IRF8: variants seen among roughly 807,000 people sequenced by gnomAD.
The protein encoded by IRF8 is interferon consensus sequence binding protein 1.
Under a neutral mutation model 48.7 loss-of-function variants are expected in IRF8, and 14 were observed. That is an observed-to-expected ratio of 0.29 (90% CI 0.19 to 0.45). The LOEUF is 0.45. Among genes scored for constraint, IRF8 ranks in the 20% least tolerant of loss-of-function variants. IRF8 has a pLI of 1.00. For missense variants in IRF8, 493 were observed against 580.7 expected, an observed-to-expected ratio of 0.85 and a Z score of 1.55; for synonymous variants, 278 against 227.3, an observed-to-expected ratio of 1.22 and a Z score of -2.01.
rs372510203 is a variant in IRF8 at position 85,918,679 on chromosome 16, C to T, written c.864C>T (p.Phe288=). 5.4e-4 allele frequency: 866 copies of T among 1,611,516 alleles called. 4 individuals are homozygous for T. The South Asian group carries it at 6.5e-3, about 12-fold the overall frequency. Residue 288 remains phenylalanine (F), a synonymous_variant, in exon 7 of 9, where the codon TTC becomes TTT. Transcript: ENST00000268638. ...VLLHSSRQGV[F]VKRLCQGRVF... ...TGCACAGCAGCCGGCAGGGCGTGTT[C>T]GTCAAGCGGCTGTGCCAGGGCCGCG...
intron 6 of IRF8, among the ~76,000 whole-genome samples, chr16:85,917,653 G>C (rs1905359489): frequency 1.3e-5 from 2 of 152,204 alleles, no homozygotes; most frequent in African/African-American, 4.8e-5. Flanking sequence ...CCTAAGTTCA[G>C]TGCCATTATT....
intron 2 of IRF8, 93 bp downstream of exon 2, chr16:85,903,282 C>T: frequency 8.1e-7 from 1 of 1,240,766 alleles, no homozygotes. Context: ...TTCTCATTTA[C>T]TTAAAAATTA....
At chr16:85,911,932 C>T (rs1438902097) in intron 4 of IRF8, among the ~76,000 whole-genome samples, 2 of 152,214 alleles carry the variant, frequency 1.3e-5, no homozygotes, top group Admixed American at 6.5e-5. Flanking sequence ...CAGTGAAGTT[C>T]CTTCCAGCTC....
At chr16:85,918,984 C>T (rs936827232) in intron 7 of IRF8, among the ~76,000 whole-genome samples, 181 bp downstream of exon 7, 2 of 152,140 alleles carry the variant, frequency 1.3e-5, no homozygotes, top group African/African-American at 4.8e-5. Context: ...ACTGAGCGAT[C>T]CTGGGGTGCT....
intron 5 of IRF8, among the ~76,000 whole-genome samples, chr16:85,913,661 C>A (rs1318548994): frequency 6.6e-6 from 1 of 152,166 alleles, no homozygotes; most frequent in Non-Finnish European, 1.5e-5. Context: ...CAAAGAGAGC[C>A]CAGGGCATTT....
rs1905071614 is a variant in IRF8, at chr16:85,908,896, G to C, written c.175-94G>C. 5.6e-6 allele frequency: 6 copies of C among 1,073,362 alleles called. No individual in the cohort carries two copies. The Admixed American group carries it at 1.0e-4, about 18-fold the overall frequency. The allele number at this position is 1,073,362 out of a possible 1,614,324, so 66.5% of individuals were successfully genotyped here. ...AGTTGATGGCCAACAAAGATTCATG[G>C]GAAGGGAAGGATGTGTGGGGTCCTG... On this transcript the variant is annotated intron_variant, in intron 2 of 8. Transcript: ENST00000268638.
intron 6 of IRF8, 58 bp downstream of exon 6, chr16:85,914,578 T>A (rs1905242920): frequency 6.2e-7 from 1 of 1,601,044 alleles, no homozygotes; most frequent in African/African-American, 1.3e-5. Flanking sequence ...AAAGCCCAGA[T>A]AACCCAAGCA....
intron 5 of IRF8, chr16:85,914,132 G>A (rs1289892590): frequency 5.3e-6 from 2 of 377,792 alleles, no homozygotes; most frequent in African/African-American, 4.2e-5. Flanking sequence ...CCAGAGATAA[G>A]CCCTGGGTGG....
intron 6 of IRF8, 111 bp from the exon 7 acceptor site, chr16:85,918,306 C>G (rs1227199866): frequency 7.8e-7 from 1 of 1,285,208 alleles, no homozygotes; most frequent in Non-Finnish European, 1.1e-6. Flanking sequence ...CAAAGTGGTT[C>G]AAGACACACA....
At chr16:85,904,219 A>C (rs907959885) in intron 2 of IRF8, among the ~76,000 whole-genome samples, 2 of 151,930 alleles carry the variant, frequency 1.3e-5, no homozygotes, top group African/African-American at 4.8e-5. Flanking sequence ...AGCCATTGCC[A>C]TGTGTGCTTA....
intron 2 of IRF8, among the ~76,000 whole-genome samples, chr16:85,908,377 C>G (rs1248394562): frequency 6.6e-6 from 1 of 151,938 alleles, no homozygotes; most frequent in African/African-American, 2.4e-5. Context: ...TTGGAAAAGT[C>G]AGAAAACAGA....
chr16:85,899,519 C>G (rs1488876498), intron 1 of IRF8, among the ~76,000 whole-genome samples: 4 of 152,172 alleles, frequency 2.6e-5, no homozygotes, highest in Non-Finnish European at 5.9e-5. Context: ...TAGGAGAGCT[C>G]ATATAATGAA....
At chr16:85,900,305 T>C (rs938883502) in intron 1 of IRF8, among the ~76,000 whole-genome samples, 4 of 152,228 alleles carry the variant, frequency 2.6e-5, no homozygotes, top group African/African-American at 4.8e-5. Context: ...GCCTGACTGC[T>C]GTATACATTT....
chr16:85,900,884 C>G (rs1904805853), intron 1 of IRF8: 1 of 151,574 alleles, frequency 6.6e-6, no homozygotes, highest in African/African-American at 2.4e-5. Flanking sequence ...GACCCTCTTT[C>G]TAGAAAAATG....
At chr16:85,905,316 C>T (rs140818086) in intron 2 of IRF8, among the ~76,000 whole-genome samples, 18 of 152,274 alleles carry the variant, frequency 1.2e-4, no homozygotes, top group Non-Finnish European at 1.9e-4. Flanking sequence ...CTGACGGAGA[C>T]GAAGCTTCTC....
intron 5 of IRF8, 162 bp from the exon 6 acceptor site, chr16:85,914,310 TG>T: frequency 1.3e-6 from 1 of 753,516 alleles, no homozygotes; most frequent in Non-Finnish European, 2.3e-6. Flanking sequence ...CTCTCTGCTC[TG>T]GTGGGGAAAA....
At chr16:85,900,127 G>A (rs1027953334) in intron 1 of IRF8, among the ~76,000 whole-genome samples, 1 of 152,312 alleles carries the variant, frequency 6.6e-6, no homozygotes, top group Middle Eastern at 3.4e-3. Flanking sequence ...GAGAGAAATG[G>A]CTTTGGTGCT....
intron 6 of IRF8, among the ~76,000 whole-genome samples, chr16:85,915,921 G>A (rs748783244): frequency 3.9e-5 from 6 of 152,120 alleles, no homozygotes; most frequent in Admixed American, 1.3e-4. Flanking sequence ...CCTCTGTCCA[G>A]CCCCGCCCCC....
rs1905566381 is a variant in IRF8 at position 85,921,448 on chromosome 16, A to G, written c.*166A>G. The stretch of plus-strand genomic sequence containing the variant: ...CTCGGAGGAGTAGACGTTTAATACG[A>G]AGTGGCGGCATAGCCCTGCCGAGAT... On this transcript the variant is annotated 3_prime_UTR_variant, in exon 9 of 9. Coordinates refer to ENST00000268638, the MANE Select transcript of IRF8 (RefSeq NM_002163.4). The G allele has an allele frequency of 1.3e-6, 1 of 751,470 alleles. No homozygotes were observed. The highest frequency in any genetic ancestry group is 1.6e-5 in the South Asian group (1 of 64,444). 46.6% of individuals were successfully genotyped at this position (751,470 alleles called of 1,614,324 possible).
Sources: allele counts gnomAD v4.1 joint callset (sites outside exome capture counted in the v4.1 genomes callset), GRCh38; gene constraint gnomAD v4.1.1; transcripts MANE v1.5; gene names NCBI Gene and HGNC (gene_info 2026-07-23, HGNC 2026-07-21).